The following PRELID2 variants were observed in gnomAD, a reference collection of about 807,000 sequenced individuals.
PRELID2 encodes PRELI domain containing 2.
In PRELID2, 25 loss-of-function variants were observed where a neutral mutation model predicts 28.4. That is an observed-to-expected ratio of 0.88 (90% CI 0.64 to 1.23). The LOEUF (loss-of-function observed/expected upper bound fraction) is 1.23, where lower values mean the gene tolerates loss of function less well. Ranked by LOEUF, PRELID2 falls within the 50% of genes most tolerant of loss-of-function variation. The pLI is 0.00. For missense variants in PRELID2, 201 were observed against 214.4 expected (o/e 0.94, Z 0.39); for synonymous variants, 76 against 71.6 (o/e 1.06, Z -0.31).
chr5:145,698,022 G>A (rs191772400), intron 1 of PRELID2, among the ~76,000 whole-genome samples: 50 of 151,508 alleles, frequency 3.3e-4, no homozygotes, highest in African/African-American at 1.1e-3. Context: ...ATGAAGTTAC[G>A]GTTTGCAAGG....
the PRELID2 span, among the ~76,000 whole-genome samples, chr5:145,405,905 C>T: frequency 6.6e-6 from 1 of 151,862 alleles, no homozygotes; most frequent in African/African-American, 2.4e-5. Context: ...CGGGGTTTCA[C>T]CGTTTTAGCC....
the PRELID2 span, among the ~76,000 whole-genome samples, chr5:145,453,976 A>G: frequency 6.6e-6 from 1 of 152,150 alleles, no homozygotes; most frequent in African/African-American, 2.4e-5. Context: ...TTGGGTATAT[A>G]CCCAGTAATA....
intron 1 of PRELID2, among the ~76,000 whole-genome samples, chr5:145,565,977 A>C (rs1321314156): frequency 6.6e-6 from 1 of 152,244 alleles, no homozygotes; most frequent in African/African-American, 2.4e-5. Context: ...AGAGCTTTGG[A>C]GTGGAGTCAA....
chr5:145,358,413 G>A, the PRELID2 span, among the ~76,000 whole-genome samples: 1 of 152,012 alleles, frequency 6.6e-6, no homozygotes, highest in African/African-American at 2.4e-5. Flanking sequence ...AGTGGGGGTG[G>A]CTGGGGTCAC....
intron 1 of PRELID2, among the ~76,000 whole-genome samples, chr5:145,604,994 C>A (rs1312747458): frequency 6.8e-6 from 1 of 146,992 alleles, no homozygotes; most frequent in Non-Finnish European, 1.5e-5. Context: ...TGTTCATGGT[C>A]CTTTGCCCAC....
intron 1 of PRELID2, among the ~76,000 whole-genome samples, chr5:145,561,225 T>C (rs1338779045): frequency 1.3e-5 from 2 of 152,166 alleles, no homozygotes; most frequent in African/African-American, 4.8e-5. Context: ...CCAGAGAAAA[T>C]TCTTTGAATG....
chr5:145,520,162 CTA>C (rs1468607129), intron 1 of PRELID2, among the ~76,000 whole-genome samples: 1 of 152,138 alleles, frequency 6.6e-6, no homozygotes, highest in East Asian at 1.9e-4. Flanking sequence ...TAAACCAAGA[CTA>C]TGTTATTTTG....
chr5:145,583,062 A>G (rs1753121657), intron 1 of PRELID2, among the ~76,000 whole-genome samples: 1 of 152,148 alleles, frequency 6.6e-6, no homozygotes, highest in Non-Finnish European at 1.5e-5. Context: ...GGTAAACAAA[A>G]TCCAGCAGCA....
At chr5:145,391,375 G>A in the PRELID2 span, among the ~76,000 whole-genome samples, 1 of 152,214 alleles carries the variant, frequency 6.6e-6, no homozygotes, top group African/African-American at 2.4e-5. Context: ...GCAATGGCCT[G>A]AGCTGTATGT....
intron 1 of PRELID2, among the ~76,000 whole-genome samples, chr5:145,670,071 A>G (rs1346972870): frequency 6.6e-6 from 1 of 152,134 alleles, no homozygotes; most frequent in African/African-American, 2.4e-5. Context: ...TCCATTTTGC[A>G]TCACTATAAA....
the PRELID2 span, among the ~76,000 whole-genome samples, chr5:145,295,528 T>A: frequency 6.6e-6 from 1 of 152,032 alleles, no homozygotes; most frequent in East Asian, 1.9e-4. Flanking sequence ...ATGATCCAAG[T>A]GTTGATATAG....
chr5:145,233,933 G>T, the PRELID2 span, among the ~76,000 whole-genome samples: 1 of 152,116 alleles, frequency 6.6e-6, no homozygotes, highest in Non-Finnish European at 1.5e-5. Flanking sequence ...CAGGGGTAGG[G>T]GAAGTGTAAT....
chr5:145,281,086 T>C, the PRELID2 span, among the ~76,000 whole-genome samples: 1 of 152,132 alleles, frequency 6.6e-6, no homozygotes, highest in Non-Finnish European at 1.5e-5. Flanking sequence ...CTCCAAGAAG[T>C]AGCAAAACTG....
chr5:145,457,736 T>G, the PRELID2 span, among the ~76,000 whole-genome samples: 6 of 152,192 alleles, frequency 3.9e-5, no homozygotes, highest in Non-Finnish European at 8.8e-5. Context: ...TGGACATTTA[T>G]AAATTCATAA....
chr5:145,778,819 C>G (rs1268322742), intron 5 of PRELID2, among the ~76,000 whole-genome samples: 1 of 152,198 alleles, frequency 6.6e-6, no homozygotes, highest in African/African-American at 2.4e-5. Context: ...GTGGAATGAG[C>G]CCAGCAGGCC....
chr5:145,263,713 C>T, the PRELID2 span, among the ~76,000 whole-genome samples: 1 of 151,996 alleles, frequency 6.6e-6, no homozygotes. Flanking sequence ...CTATGAACAC[C>T]TTTACATGCA....
intron 1 of PRELID2, among the ~76,000 whole-genome samples, chr5:145,632,479 T>C (rs781551494): frequency 1.1e-4 from 16 of 152,218 alleles, no homozygotes; most frequent in Non-Finnish European, 2.2e-4. Context: ...TGGACACAGT[T>C]CTTCTTGTAT....
chr5:145,699,335 T>C (rs1483405566), intron 1 of PRELID2, among the ~76,000 whole-genome samples: 1 of 152,084 alleles, frequency 6.6e-6, no homozygotes, highest in Non-Finnish European at 1.5e-5. Context: ...CAGTGTATAA[T>C]ACCTAACATT....
At position 145,674,924 on chromosome 5, in the gene PRELID2, G is replaced by A. The variant is rs116546003; in HGVS notation, n.70+90007C>T. ...CACTCCAGCCTGAACAACAGAGTGAGATTCAGTATCAAAAAAAAAAAAGAT... is the reference window on the plus strand; with the variant it reads ...CACTCCAGCCTGAACAACAGAGTGAAATTCAGTATCAAAAAAAAAAAAGAT... On this transcript the variant is annotated intron_variant and non_coding_transcript_variant, in intron 1 of 2. Coordinates refer to the PRELID2 transcript ENST00000510259. Among the ~76,000 whole-genome samples the A allele has an allele frequency of 5.8e-3, 879 of 150,712 alleles. 12 individuals are homozygous for A. The highest frequency in any genetic ancestry group is 0.02 in the African/African-American group (812 of 41,032).
Sources: gnomAD v4.1 joint callset for allele counts (sites outside exome capture counted in the v4.1 genomes callset) on GRCh38, gnomAD v4.1.1 for gene constraint, MANE v1.5 for transcripts, NCBI Gene and HGNC (gene_info 2026-07-23, HGNC 2026-07-21) for gene names.